The following COMMD7 variants were observed in gnomAD, a reference collection of about 807,000 sequenced individuals.
COMMD7 encodes the protein COMM domain containing 7, also known as COMM domain-containing protein 7.
In COMMD7, 28 loss-of-function variants were observed where a neutral mutation model predicts 34.8. The ratio of observed to expected loss-of-function variants is 0.80; its 90% CI spans 0.60 to 1.10. The LOEUF (loss-of-function observed/expected upper bound fraction) is 1.10. COMMD7 is among the 50% of genes least tolerant of loss of function. COMMD7 has a pLI of 0.00. For missense variants in COMMD7, 211 were observed against 241.6 expected (o/e 0.87, Z 0.84); for synonymous variants, 80 against 86.4 (o/e 0.93, Z 0.41).
In COMMD7 at chr20:32,706,749, T is replaced by C. The variant is rs1984108038; in HGVS notation, c.253A>G (p.Lys85Glu). 2 of 1,613,598 alleles carry C rather than the reference T, an allele frequency of 1.2e-6. No homozygotes were observed. The highest frequency in any genetic ancestry group is 2.7e-5 in the African/African-American group (2 of 74,802). ...LLLVPNGALK[K>E]SLTAKQVQAD... ...TGGACCTGCTTGGCTGTGAGACTCT[T>C]CTTCAAAGCACCTGGGAGGCAGGGG... is the stretch of plus-strand genomic sequence containing the variant. Residue 85 changes from lysine to glutamate, a missense_variant, in exon 4 of 9, where the codon AAG (lysine) becomes GAG (glutamate). Lys to Glu is a moderately conservative substitution (Grantham distance 56). Coordinates refer to ENST00000278980, the MANE Select transcript of COMMD7 (RefSeq NM_053041.3).
chr20:32,715,438 G>A (rs1333203159), intron 3 of COMMD7, among the ~76,000 whole-genome samples: 9 of 148,772 alleles, frequency 6.0e-5, no homozygotes, highest in African/African-American at 2.2e-4. Flanking sequence ...AGCAGAGACT[G>A]TGCCACTGCA....
intron 1 of COMMD7, among the ~76,000 whole-genome samples, chr20:32,738,481 G>A (rs959268170): frequency 6.6e-5 from 10 of 152,056 alleles, no homozygotes; most frequent in African/African-American, 2.2e-4. Flanking sequence ...CAGCTACTTG[G>A]GAGGCTGAGG....
chr20:32,712,481 C>T (rs1984519750), intron 3 of COMMD7, among the ~76,000 whole-genome samples: 1 of 150,926 alleles, frequency 6.6e-6, no homozygotes, highest in South Asian at 2.1e-4. Flanking sequence ...GCACTCTAGC[C>T]TGGTGACAGA....
At chr20:32,732,354 G>T (rs114160476) in intron 1 of COMMD7, among the ~76,000 whole-genome samples, 1,628 of 152,218 alleles carry the variant, frequency 0.011, 34 homozygotes, top group African/African-American at 0.038. Context: ...CCCTCCCTAA[G>T]AACTGGGATT....
chr20:32,728,235 A>C (rs1018022510), intron 1 of COMMD7, 93 bp from the exon 2 acceptor site: 1 of 1,144,694 alleles, frequency 8.7e-7, no homozygotes, highest in African/African-American at 1.5e-5. Context: ...GAGAGGGAAG[A>C]ACAGTAACAG....
intron 3 of COMMD7, among the ~76,000 whole-genome samples, chr20:32,720,121 C>T (rs2145742881): frequency 6.6e-6 from 1 of 152,318 alleles, no homozygotes; most frequent in African/African-American, 2.4e-5. Context: ...GGGACCAAAA[C>T]TCAAATCAGA....
chr20:32,714,641 C>T (rs1161901577), intron 3 of COMMD7, among the ~76,000 whole-genome samples: 10 of 150,520 alleles, frequency 6.6e-5, no homozygotes, highest in African/African-American at 2.0e-4. Context: ...CTGGCCAATA[C>T]GGTGAAACCT....
chr20:32,731,118 G>C (rs954286379), intron 1 of COMMD7, among the ~76,000 whole-genome samples: 1 of 152,050 alleles, frequency 6.6e-6, no homozygotes, highest in Non-Finnish European at 1.5e-5. Context: ...GATTGCTTGA[G>C]GCCAGGAGTT....
intron 1 of COMMD7, among the ~76,000 whole-genome samples, chr20:32,728,384 T>C (rs572279418): frequency 6.6e-6 from 1 of 152,126 alleles, no homozygotes; most frequent in South Asian, 2.1e-4. Flanking sequence ...ATTGAGAGAC[T>C]GTAAGCATAT....
chr20:32,713,338 A>T (rs1253486948), intron 3 of COMMD7, among the ~76,000 whole-genome samples: 1 of 152,124 alleles, frequency 6.6e-6, no homozygotes, highest in Non-Finnish European at 1.5e-5. Flanking sequence ...GCGTGCGCCA[A>T]TGCGCCTGGC....
chr20:32,722,276 G>T (rs6058830), intron 3 of COMMD7, among the ~76,000 whole-genome samples: 8 of 125,362 alleles, frequency 6.4e-5, no homozygotes, highest in Admixed American at 3.5e-4. Context: ...AAAGGATACA[G>T]TGTGGTGGGG....
chr20:32,706,174 G>A (rs374284952), intron 5 of COMMD7, among the ~76,000 whole-genome samples: 4 of 151,084 alleles, frequency 2.6e-5, no homozygotes, highest in African/African-American at 9.7e-5. Context: ...CTCTAGCCTG[G>A]GCAACGAGAG....
intron 3 of COMMD7, among the ~76,000 whole-genome samples, chr20:32,719,342 CA>C (rs1471860876): frequency 2.6e-5 from 4 of 152,010 alleles, no homozygotes; most frequent in Non-Finnish European, 4.4e-5. Context: ...TGCACAAGGA[CA>C]AAGGATAAGA....
intron 1 of COMMD7, among the ~76,000 whole-genome samples, chr20:32,732,753 T>C (rs548142536): frequency 1.8e-3 from 272 of 151,204 alleles, no homozygotes; most frequent in Non-Finnish European, 3.3e-3. Context: ...GGTGAAACCC[T>C]GTCTCTAAAC....
At chr20:32,729,625 A>AAT (rs1371143577) in intron 1 of COMMD7, among the ~76,000 whole-genome samples, 8 of 151,456 alleles carry the variant, frequency 5.3e-5, no homozygotes, top group Non-Finnish European at 8.8e-5. Context: ...TTAAAAAAAA[A>AAT]AAAAAGGAAG....
rs1986541605 is a variant in COMMD7 at position 32,743,313 on chromosome 20, C to T, written c.79G>A (p.Ala27Thr). Residue 27 changes from alanine to threonine, a missense_variant, in exon 1 of 9, where the codon GCG becomes ACG. Ala to Thr is a moderately conservative substitution (Grantham distance 58, BLOSUM62 0). Transcript: ENST00000278980. ...CGCCCCGCCGCCGGGCCCACCTGCG[C>T]GCCCAGCTGGTTCAGCTGCTGCATG... ...GDMQQLNQLGAQQFSALTEVL... is the reference protein window; with the variant it reads ...GDMQQLNQLGTQQFSALTEVL... 4.6e-6 allele frequency: 7 copies of T among 1,516,732 alleles called. No homozygotes were observed. Among genetic ancestry groups the T allele is most frequent in the Non-Finnish European group, 6.1e-6 (7 of 1,138,774 alleles). The allele number at this position is 1,516,732 out of a possible 1,614,324, so 94.0% of individuals were successfully genotyped here.
Position 32,716,411 on chromosome 20 carries a change from C to T in COMMD7, c.242-9651G>A, listed in dbSNP as rs1216328585. Among the ~76,000 whole-genome samples the T allele has an allele frequency of 2.6e-5, 4 of 152,102 alleles. No individual in the cohort carries two copies. In the East Asian group the frequency reaches 5.8e-4, roughly 22 times the overall value. On this transcript the variant is annotated intron_variant, in intron 3 of 8. Transcript: ENST00000278980. ...CGGGCGGATCACGAGGTCAGGAGAT[C>T]TAGACCATCCTGGCTAACACGGTGA...
At chr20:32,729,693 G>A (rs773238278) in intron 1 of COMMD7, among the ~76,000 whole-genome samples, 36 of 151,412 alleles carry the variant, frequency 2.4e-4, no homozygotes, top group Non-Finnish European at 3.5e-4. Context: ...TTGTACTTCC[G>A]AGCAAGCAGA....
chr20:32,739,275 C>T (rs1346478685), intron 1 of COMMD7, among the ~76,000 whole-genome samples: 1 of 152,054 alleles, frequency 6.6e-6, no homozygotes, highest in East Asian at 1.9e-4. Flanking sequence ...CAAGCCTAGA[C>T]AACATAGGGA....
Sources: allele counts gnomAD v4.1 joint callset (sites outside exome capture counted in the v4.1 genomes callset), GRCh38; gene constraint gnomAD v4.1.1; transcripts MANE v1.5; gene names NCBI Gene and HGNC (gene_info 2026-07-23, HGNC 2026-07-21).